The following SPOCK3 variants were observed in gnomAD, a reference collection of about 807,000 sequenced individuals.
SPOCK3 encodes testican-3.
SPOCK3 carries 30 observed loss-of-function variants against 56.6 expected under a neutral mutation model. The ratio of observed to expected loss-of-function variants is 0.53; its 90% CI spans 0.40 to 0.72. The LOEUF (loss-of-function observed/expected upper bound fraction) is 0.72. Among genes scored for constraint, SPOCK3 ranks in the 30% least tolerant of loss-of-function variants. SPOCK3 has a pLI of 0.00. For missense variants in SPOCK3, 527 were observed against 530.0 expected (o/e 0.99, Z 0.06); for synonymous variants, 196 against 183.3 (o/e 1.07, Z -0.56).
intron 6 of SPOCK3, among the ~76,000 whole-genome samples, chr4:166,819,671 C>T (rs1429002604): frequency 4.6e-5 from 7 of 151,542 alleles, no homozygotes; most frequent in Non-Finnish European, 1.5e-5. Context: ...CATGTACACA[C>T]TGAAACTACA....
At chr4:167,106,284 C>A (rs1194670341) in intron 2 of SPOCK3, among the ~76,000 whole-genome samples, 2 of 151,790 alleles carry the variant, frequency 1.3e-5, no homozygotes, top group Non-Finnish European at 2.9e-5. Flanking sequence ...TATCAAACAT[C>A]TTCTCTGACC....
chr4:166,855,705 T>A (rs1399836095), intron 6 of SPOCK3, among the ~76,000 whole-genome samples: 1 of 152,226 alleles, frequency 6.6e-6, no homozygotes, highest in Non-Finnish European at 1.5e-5. Flanking sequence ...CAGGAAAATC[T>A]TACATCAGAA....
chr4:167,105,339 T>C (rs1490230251), intron 2 of SPOCK3, among the ~76,000 whole-genome samples: 5 of 151,586 alleles, frequency 3.3e-5, no homozygotes, highest in Non-Finnish European at 7.4e-5. Context: ...TAGTTTTCTG[T>C]TTGGTTGTTT....
chr4:166,805,517 T>G (rs1464324432), intron 6 of SPOCK3, among the ~76,000 whole-genome samples: 1 of 152,078 alleles, frequency 6.6e-6, no homozygotes, highest in African/African-American at 2.4e-5. Flanking sequence ...TCTGATAGAC[T>G]GGCAGATTAA....
chr4:166,820,268 C>T (rs1233617150), intron 6 of SPOCK3, among the ~76,000 whole-genome samples: 1 of 151,970 alleles, frequency 6.6e-6, no homozygotes, highest in African/African-American at 2.4e-5. Context: ...TTGATTTAGT[C>T]ATTCCATGTA....
intron 2 of SPOCK3, among the ~76,000 whole-genome samples, chr4:167,112,032 T>C (rs1234291654): frequency 6.6e-6 from 1 of 152,110 alleles, no homozygotes; most frequent in Non-Finnish European, 1.5e-5. Context: ...AGTGCTGGGA[T>C]TACAGGCATG....
chr4:167,178,894 G>C (rs1028476813), intron 2 of SPOCK3, among the ~76,000 whole-genome samples: 8 of 152,066 alleles, frequency 5.3e-5, no homozygotes, highest in African/African-American at 1.7e-4. Flanking sequence ...AAAGAGAATT[G>C]TTTAATTGGT....
chr4:166,979,104 T>C (rs1370462362), intron 4 of SPOCK3, among the ~76,000 whole-genome samples: 6 of 152,156 alleles, frequency 3.9e-5, no homozygotes, highest in African/African-American at 1.4e-4. Context: ...AAAATATAAG[T>C]TTCCTGGAAA....
At position 166,990,387 on chromosome 4, in the gene SPOCK3, T is replaced by G. The variant is rs145347137; in HGVS notation, c.350+9962A>C. 3.7e-4 allele frequency among the ~76,000 whole-genome samples: 35 copies of G among 95,466 alleles called. No individual in the cohort carries two copies. In the East Asian group the frequency reaches 0.012, roughly 33 times the overall value. 62.6% of individuals were successfully genotyped at this position (95,466 alleles called of 152,430 possible). On this transcript the variant is annotated intron_variant, in intron 4 of 10. Transcript: ENST00000357545. ...CACATGTACCCTAAAACTTAAAGTA[T>G]AATAAAAAAATTAAAAAAAAATGTT...
intron 6 of SPOCK3, among the ~76,000 whole-genome samples, chr4:166,816,080 A>C (rs905306089): frequency 6.6e-6 from 1 of 152,122 alleles, no homozygotes; most frequent in Non-Finnish European, 1.5e-5. Flanking sequence ...AGATAAAGTA[A>C]TTATCTAGAA....
chr4:166,753,489 C>T (rs1736682063), intron 8 of SPOCK3, among the ~76,000 whole-genome samples: 1 of 151,962 alleles, frequency 6.6e-6, no homozygotes, highest in Non-Finnish European at 1.5e-5. Flanking sequence ...CTGTACTCAA[C>T]TAAAGCTTCT....
intron 6 of SPOCK3, among the ~76,000 whole-genome samples, chr4:166,844,370 C>A (rs1006257523): frequency 6.6e-6 from 1 of 152,174 alleles, no homozygotes; most frequent in Non-Finnish European, 1.5e-5. Flanking sequence ...ATAGTCTATT[C>A]TATGAATCAA....
Position 166,829,472 on chromosome 4 carries a change from C to T in SPOCK3, c.590-37183G>A, listed in dbSNP as rs922846180. 2.0e-5 allele frequency among the ~76,000 whole-genome samples: 3 copies of T among 151,838 alleles called. No homozygotes were observed. In the East Asian group the frequency reaches 5.8e-4, roughly 29 times the overall value. On this transcript the variant is annotated intron_variant, in intron 6 of 10. Transcript: ENST00000357545. ...ACTTGGAATTTTTTATTTGATTTAC[C>T]ACTTTTTTAATCAAGTAGAGCATGA...
chr4:166,937,073 C>T (rs1740488014), intron 4 of SPOCK3, among the ~76,000 whole-genome samples: 1 of 151,834 alleles, frequency 6.6e-6, no homozygotes, highest in African/African-American at 2.4e-5. Context: ...TGTGTAAGAA[C>T]ATAGTGTGAA....
rs377256610 is a variant in SPOCK3 at position 166,862,525 on chromosome 4, CTAAACTT to C, written c.589+26598_589+26604del. On this transcript the variant is annotated intron_variant, in intron 6 of 10. Coordinates refer to ENST00000357545, the MANE Select transcript of SPOCK3 (RefSeq NM_001040159.2). The stretch of plus-strand genomic sequence containing the variant: ...TTTTTATCTTACATTACAAAATAAT[CTAAACTT>C]TAAACATTTTAAGTGTTCTCTTTTA... Among the ~76,000 whole-genome samples the C allele has an allele frequency of 2.6e-3, 393 of 152,066 alleles. 2 individuals carry two copies. Among genetic ancestry groups the C allele is most frequent in the African/African-American group, 8.8e-3 (365 of 41,510 alleles).
intron 3 of SPOCK3, among the ~76,000 whole-genome samples, chr4:167,039,367 G>T (rs1263837322): frequency 6.6e-6 from 1 of 152,092 alleles, no homozygotes; most frequent in African/African-American, 2.4e-5. Flanking sequence ...CTTCTGCGGG[G>T]ACATAACTCC....
intron 9 of SPOCK3, among the ~76,000 whole-genome samples, chr4:166,738,580 C>T (rs1302062307): frequency 6.7e-6 from 1 of 149,198 alleles, no homozygotes; most frequent in Non-Finnish European, 1.5e-5. Context: ...TAACTCGTCA[C>T]TTAGCATTAG....
intron 3 of SPOCK3, among the ~76,000 whole-genome samples, chr4:167,038,252 A>G (rs1342741854): frequency 6.6e-6 from 1 of 152,228 alleles, no homozygotes; most frequent in African/African-American, 2.4e-5. Context: ...CTATATCATT[A>G]GGACACTTTC....
chr4:166,857,119 T>C (rs1730769046), intron 6 of SPOCK3, among the ~76,000 whole-genome samples: 1 of 152,152 alleles, frequency 6.6e-6, no homozygotes, highest in African/African-American at 2.4e-5. Flanking sequence ...AATGGGTAAA[T>C]GATATCATAT....
Sources: allele counts gnomAD v4.1 joint callset (sites outside exome capture counted in the v4.1 genomes callset), GRCh38; gene constraint gnomAD v4.1.1; transcripts MANE v1.5; gene names NCBI Gene and HGNC (gene_info 2026-07-23, HGNC 2026-07-21).